NEGR1: variants seen among roughly 807,000 people sequenced by gnomAD.
The protein encoded by NEGR1 is IgLON family member 4.
Under a neutral mutation model 40.9 loss-of-function variants are expected in NEGR1, and 10 were observed. That is an observed-to-expected ratio of 0.24 (90% confidence interval 0.15 to 0.42). The LOEUF (loss-of-function observed/expected upper bound fraction) is 0.42. Among genes scored for constraint, NEGR1 ranks in the 10% least tolerant of loss-of-function variants. NEGR1 has a pLI of 1.00. For missense variants in NEGR1, 352 were observed against 438.9 expected, an observed-to-expected ratio of 0.80 and a Z score of 1.77; for synonymous variants, 185 against 166.8, an observed-to-expected ratio of 1.11 and a Z score of -0.84.
intron 6 of NEGR1, among the ~76,000 whole-genome samples, chr1:71,465,498 G>T (rs1035512353): frequency 6.6e-6 from 1 of 152,060 alleles, no homozygotes. Flanking sequence ...GTGCACACAT[G>T]TTGATTTGGA....
intron 6 of NEGR1, among the ~76,000 whole-genome samples, chr1:71,466,788 C>A (rs1459357992): frequency 6.6e-6 from 1 of 152,058 alleles, no homozygotes; most frequent in African/African-American, 2.4e-5. Context: ...CTTGGAGATG[C>A]AGCATGGGTA....
At chr1:71,870,814 G>A (rs1479442076) in intron 2 of NEGR1, among the ~76,000 whole-genome samples, 1 of 152,154 alleles carries the variant, frequency 6.6e-6, no homozygotes, top group Non-Finnish European at 1.5e-5. Flanking sequence ...CTCATGAGAT[G>A]TTGTTTTCAT....
intron 1 of NEGR1, among the ~76,000 whole-genome samples, chr1:72,256,278 A>T (rs995915444): frequency 3.3e-5 from 5 of 152,162 alleles, no homozygotes; most frequent in African/African-American, 9.6e-5. Context: ...GACTAACAGG[A>T]TATCATCAAG....
At chr1:71,423,938 A>G (rs891130656) in intron 6 of NEGR1, among the ~76,000 whole-genome samples, 4 of 151,612 alleles carry the variant, frequency 2.6e-5, no homozygotes, top group Non-Finnish European at 4.4e-5. Context: ...TATAGGCGCT[A>G]TAGGAGGGGT....
chr1:71,909,640 A>G (rs1162253395), intron 2 of NEGR1, among the ~76,000 whole-genome samples: 2 of 152,172 alleles, frequency 1.3e-5, no homozygotes, highest in Non-Finnish European at 2.9e-5. Context: ...TTAACTGGAA[A>G]GGGGTTTTTA....
intron 1 of NEGR1, among the ~76,000 whole-genome samples, chr1:72,221,799 A>G (rs996741569): frequency 3.9e-5 from 6 of 152,174 alleles, no homozygotes; most frequent in African/African-American, 1.4e-4. Context: ...ATTATGATAC[A>G]AGATTTAGTC....
intron 6 of NEGR1, among the ~76,000 whole-genome samples, chr1:71,581,344 T>C (rs1042854926): frequency 6.6e-6 from 1 of 152,202 alleles, no homozygotes; most frequent in South Asian, 2.1e-4. Flanking sequence ...ACGTAATGTG[T>C]CATGTCTGTG....
intron 1 of NEGR1, among the ~76,000 whole-genome samples, chr1:72,189,884 G>A (rs937921636): frequency 6.6e-6 from 1 of 151,524 alleles, no homozygotes; most frequent in Non-Finnish European, 1.5e-5. Context: ...CAAATGTAGG[G>A]CTGTGTGACC....
At position 71,397,948 on chromosome 1, in the gene NEGR1, T is replaced by C. The variant is rs1557512520; in HGVS notation, c.*9498A>G. On this transcript the variant is annotated 3_prime_UTR_variant, in exon 7 of 7. Coordinates refer to ENST00000357731, the MANE Select transcript of NEGR1 (RefSeq NM_173808.3). ...TGCCTCCCAGTTGCTCCCAGGATGATTTAAATGAAGCCAAGGTACAGCTTG... is the reference window on the plus strand; with the variant it reads ...TGCCTCCCAGTTGCTCCCAGGATGACTTAAATGAAGCCAAGGTACAGCTTG... 6.6e-6 allele frequency: 1 copy of C among 152,238 alleles called. No individual in the cohort carries two copies. The highest frequency in any genetic ancestry group is 6.6e-5 in the Admixed American group (1 of 15,262). The allele number at this position is 152,238 out of a possible 1,614,324, so 9.4% of individuals were successfully genotyped here.
At chr1:71,826,863 C>T (rs897570468) in intron 2 of NEGR1, among the ~76,000 whole-genome samples, 4 of 151,734 alleles carry the variant, frequency 2.6e-5, no homozygotes, top group South Asian at 2.1e-4. Flanking sequence ...ATTTGTAAGA[C>T]CAGGGGATAA....
intron 3 of NEGR1, among the ~76,000 whole-genome samples, chr1:71,761,250 A>G (rs1165036819): frequency 2.0e-5 from 3 of 152,170 alleles, no homozygotes; most frequent in Non-Finnish European, 4.4e-5. Flanking sequence ...CTCTGTTGCA[A>G]CTATTCACTT....
intron 1 of NEGR1, among the ~76,000 whole-genome samples, chr1:72,015,232 G>A (rs1241208439): frequency 6.6e-6 from 1 of 152,022 alleles, no homozygotes; most frequent in Non-Finnish European, 1.5e-5. Context: ...CTGAATGAAA[G>A]GCCTTATTGC....
intron 6 of NEGR1, among the ~76,000 whole-genome samples, chr1:71,548,376 C>CA (rs1412598292): frequency 1.3e-5 from 2 of 151,638 alleles, no homozygotes; most frequent in Non-Finnish European, 3.0e-5. Flanking sequence ...AGGCACCCTC[C>CA]ATGCTGCCAC....
intron 1 of NEGR1, among the ~76,000 whole-genome samples, chr1:71,965,450 G>C (rs1429113484): frequency 6.6e-6 from 1 of 152,130 alleles, no homozygotes; most frequent in Non-Finnish European, 1.5e-5. Context: ...CATAGTCTAT[G>C]TCATGAATGA....
At chr1:71,967,310 T>C (rs1646218031) in intron 1 of NEGR1, among the ~76,000 whole-genome samples, 1 of 152,104 alleles carries the variant, frequency 6.6e-6, no homozygotes, top group Admixed American at 6.6e-5. Context: ...TTCTTCCTCA[T>C]AGTAAGCAGT....
intron 1 of NEGR1, among the ~76,000 whole-genome samples, chr1:71,951,991 T>C (rs1646075062): frequency 1.3e-5 from 2 of 151,876 alleles, no homozygotes; most frequent in South Asian, 4.1e-4. Flanking sequence ...TGCTCTGACT[T>C]CCCCAACTAC....
At chr1:72,125,608 T>A (rs186389879) in intron 1 of NEGR1, among the ~76,000 whole-genome samples, 25 of 152,184 alleles carry the variant, frequency 1.6e-4, no homozygotes, top group Middle Eastern at 3.4e-3. Context: ...ATTATTACTA[T>A]AAAGGGATAT....
At chr1:72,253,671 G>T (rs1655174672) in intron 1 of NEGR1, among the ~76,000 whole-genome samples, 1 of 152,196 alleles carries the variant, frequency 6.6e-6, no homozygotes, top group African/African-American at 2.4e-5. Context: ...CATTTCCAAG[G>T]CAATGCTAAT....
chr1:71,414,523 A>G (rs1646343025), intron 6 of NEGR1, among the ~76,000 whole-genome samples: 1 of 152,218 alleles, frequency 6.6e-6, no homozygotes, highest in Non-Finnish European at 1.5e-5. Flanking sequence ...CACAGGTGAC[A>G]TAATTATACT....
Sources: gnomAD v4.1 joint callset for allele counts (sites outside exome capture counted in the v4.1 genomes callset) on GRCh38, gnomAD v4.1.1 for gene constraint, MANE v1.5 for transcripts, NCBI Gene and HGNC (gene_info 2026-07-23, HGNC 2026-07-21) for gene names.